The following WDR35 variants were observed in gnomAD, a reference collection of about 807,000 sequenced individuals.
WDR35 encodes WD repeat domain 35.
Under a neutral mutation model 158.3 loss-of-function variants are expected in WDR35, and 118 were observed. That is an observed-to-expected ratio of 0.75 (90% CI 0.64 to 0.87). The LOEUF (loss-of-function observed/expected upper bound fraction) is 0.87. Among genes scored for constraint, WDR35 ranks in the 40% least tolerant of loss-of-function variants. The pLI is 0.00. For synonymous variants in WDR35, 448 were observed against 476.1 expected, an observed-to-expected ratio of 0.94 and a Z score of 0.77; for missense variants, 1,263 against 1,405.8, an observed-to-expected ratio of 0.90 and a Z score of 1.62.
chr2:19,933,304 A>G (rs1340137230), intron 22 of WDR35, 97 bp downstream of exon 22: 8 of 988,628 alleles, frequency 8.1e-6, no homozygotes, highest in Non-Finnish European at 1.3e-5. Flanking sequence ...TACATTGGCA[A>G]TAATCTTTAA....
At chr2:19,928,583 T>C (rs1670430036) in intron 25 of WDR35, among the ~76,000 whole-genome samples, 2 of 152,168 alleles carry the variant, frequency 1.3e-5, no homozygotes, top group South Asian at 4.1e-4. Context: ...ACTTAGATGT[T>C]ATAATAAACA....
intron 16 of WDR35, among the ~76,000 whole-genome samples, chr2:19,943,430 A>G (rs1003440767): frequency 1.3e-5 from 2 of 152,124 alleles, no homozygotes; most frequent in African/African-American, 4.8e-5. Context: ...AGCATGAACC[A>G]TAGCAATTAG....
chr2:19,924,786 C>T (rs188572343), intron 25 of WDR35, among the ~76,000 whole-genome samples: 4 of 152,236 alleles, frequency 2.6e-5, no homozygotes, highest in Admixed American at 6.5e-5. Context: ...AAAGGAAATA[C>T]TCCATTTCCT....
intron 8 of WDR35, among the ~76,000 whole-genome samples, chr2:19,972,558 CTTTTT>C (rs540117749): frequency 4.0e-5 from 6 of 148,606 alleles, no homozygotes. Flanking sequence ...GAAAACTATG[CTTTTT>C]TTTTTCCTTC....
chr2:19,958,984 C>T (rs556890510), intron 11 of WDR35, among the ~76,000 whole-genome samples: 2 of 152,204 alleles, frequency 1.3e-5, no homozygotes, highest in African/African-American at 4.8e-5. Context: ...GTATCACTCA[C>T]AGACTTTTTT....
chr2:19,962,528 T>C (rs1340612141), intron 10 of WDR35, among the ~76,000 whole-genome samples: 1 of 152,232 alleles, frequency 6.6e-6, no homozygotes, highest in Admixed American at 6.5e-5. Flanking sequence ...TTAGTCTCTG[T>C]TTCTGTATCT....
At chr2:19,956,301 C>A (rs973757760) in intron 11 of WDR35, among the ~76,000 whole-genome samples, 1 of 152,184 alleles carries the variant, frequency 6.6e-6, no homozygotes, top group Non-Finnish European at 1.5e-5. Context: ...TTATAAATTA[C>A]ACTCATGTTC....
chr2:19,982,441 T>C, intron 3 of WDR35, 22 bp downstream of exon 3: 2 of 1,611,364 alleles, frequency 1.2e-6, no homozygotes, highest in South Asian at 2.2e-5. Context: ...AAACATGACT[T>C]AAAAGAAATT....
rs1672089316 is a variant in WDR35 at position 19,973,433 on chromosome 2, T to C, written c.882+130A>G. The C allele has an allele frequency of 4.0e-6, 4 of 1,000,124 alleles. No individual in the cohort carries two copies. In the East Asian group the frequency reaches 7.9e-5, roughly 20 times the overall value. 62.0% of individuals were successfully genotyped at this position (1,000,124 alleles called of 1,614,324 possible). Reference sequence around the variant, plus strand: ...CATGATAAAATACAACAAAGATTTATACTATGAAGATGAAATGTCCCTAAA... The same window carrying C: ...CATGATAAAATACAACAAAGATTTACACTATGAAGATGAAATGTCCCTAAA... On this transcript the variant is annotated intron_variant, in intron 8 of 26. Coordinates refer to ENST00000281405, the MANE Select transcript of WDR35 (RefSeq NM_020779.4).
rs1572326746 is a variant in WDR35 at position 19,934,331 on chromosome 2, A to C, written c.2548-820T>G. The stretch of plus-strand genomic sequence containing the variant: ...TACTCATAATCTTATCATTCATAAG[A>C]AACCTCTCTCAATACTCTGGTGCAA... On this transcript the variant is annotated intron_variant, in intron 21 of 26. Transcript: ENST00000281405. This position sits in a 1 kb window ranked among gnomAD's most constrained non-coding sequence, Gnocchi z 4.6. 6.6e-6 allele frequency among the ~76,000 whole-genome samples: 1 copy of C among 152,176 alleles called. No homozygotes were observed. The highest frequency in any genetic ancestry group is 1.5e-5 in the Non-Finnish European group (1 of 68,030).
Position 19,938,192 on chromosome 2 carries a change from G to T in WDR35, c.2063+73C>A, listed in dbSNP as rs1028629204. The T allele has an allele frequency of 1.3e-5, 20 of 1,592,760 alleles. No individual in the cohort carries two copies. The East Asian group carries it at 4.5e-4, about 36-fold the overall frequency. On this transcript the variant is annotated intron_variant, in intron 18 of 26. Coordinates refer to ENST00000281405, the MANE Select transcript of WDR35 (RefSeq NM_020779.4). ...TGCTCCCATCAGGAGGATAGTAGGG[G>T]AGCAGAGGGACAAAACTGAGACTTT...
intron 26 of WDR35, 99 bp from the exon 27 acceptor site, chr2:19,913,807 GA>G: frequency 6.6e-7 from 1 of 1,516,632 alleles, no homozygotes; most frequent in Non-Finnish European, 9.0e-7. Context: ...TAAAACTTCT[GA>G]GATGAACATC....
At chr2:19,948,247 C>A (rs1671120410) in intron 13 of WDR35, 30 bp from the exon 14 acceptor site, 1 of 1,591,384 alleles carries the variant, frequency 6.3e-7, no homozygotes, top group African/African-American at 1.3e-5. Context: ...CATTACTATT[C>A]AACAAACATT....
intron 18 of WDR35, 138 bp from the exon 19 acceptor site, chr2:19,938,084 T>C: frequency 7.3e-7 from 1 of 1,367,230 alleles, no homozygotes; most frequent in Non-Finnish European, 1.0e-6. Flanking sequence ...CAAACATTTT[T>C]CAAATAATTT....
intron 12 of WDR35, 58 bp downstream of exon 12, chr2:19,953,776 T>C (rs1482718665): frequency 6.2e-7 from 1 of 1,608,014 alleles, no homozygotes; most frequent in African/African-American, 1.3e-5. Context: ...ACAATTACTA[T>C]GTCTGACTTC....
intron 21 of WDR35, chr2:19,935,130 A>C (rs1230184471): frequency 1.3e-5 from 2 of 157,992 alleles, no homozygotes; most frequent in Admixed American, 1.3e-4. Flanking sequence ...AAACAATTTC[A>C]GATTATTTTG....
At chr2:19,965,027 G>A (rs1159335248) in intron 10 of WDR35, among the ~76,000 whole-genome samples, 11 of 151,842 alleles carry the variant, frequency 7.2e-5, no homozygotes, top group African/African-American at 2.7e-4. Flanking sequence ...GGGTTCAAGC[G>A]ACTGTCCTGC....
In WDR35 at chr2:19,973,693, T is replaced by C. The variant is rs776500615; in HGVS notation, c.752A>G (p.Asp251Gly). 1.9e-6 allele frequency: 3 copies of C among 1,613,904 alleles called. No homozygotes were observed. In the East Asian group the frequency reaches 6.7e-5, roughly 36 times the overall value. ...HENDQNPVLI[D>G]TGMYVVGIQW... ...GATGCCTACTACGTACATGCCAGTG[T>C]CAATCAAAACGGGATCTAGTCAGAA... The change falls in exon 8 of 27, where the codon GAC becomes GGC. Residue 251 changes from aspartate (D) to glycine (G), a missense_variant. By Grantham distance (94) the Asp-to-Gly change is moderately conservative. Coordinates refer to ENST00000281405, the MANE Select transcript of WDR35 (RefSeq NM_020779.4).
In WDR35 at chr2:19,933,504, G is replaced by A. The variant is rs772896944; in HGVS notation, c.2555C>T (p.Ala852Val). ...CATTCCAACTCTGACAAACATTTGTGCTATTTCCTGTACAAACAAAACAAT... is the reference window on the plus strand; with the variant it reads ...CATTCCAACTCTGACAAACATTTGTACTATTTCCTGTACAAACAAAACAAT... ...PENHKLLPEIAQMFVRVGMCE... is the reference protein window; with the variant it reads ...PENHKLLPEIVQMFVRVGMCE... The change falls in exon 22 of 27, where the codon GCA becomes GTA. Residue 852 changes from alanine (A) to valine (V), a missense_variant. Coordinates refer to ENST00000281405, the MANE Select transcript of WDR35 (RefSeq NM_020779.4). 4 of 1,612,798 alleles carry A rather than the reference G, an allele frequency of 2.5e-6. No individual in the cohort carries two copies. The African/African-American group carries it at 4.0e-5, about 16-fold the overall frequency.
Sources: gnomAD v4.1 joint callset for allele counts (sites outside exome capture counted in the v4.1 genomes callset) on GRCh38, gnomAD v4.1.1 for gene constraint, Gnocchi (gnomAD v3.1) non-coding constraint, MANE v1.5 for transcripts, NCBI Gene and HGNC (gene_info 2026-07-23, HGNC 2026-07-21) for gene names.